Variants in THSD7B observed in about 807,000 individuals in gnomAD.
THSD7B encodes thrombospondin type-1 domain-containing protein 7B.
Under a neutral mutation model 213.6 loss-of-function variants are expected in THSD7B, and 138 were observed. The observed-to-expected ratio is 0.65, with a 90% confidence interval of 0.56 to 0.74. The LOEUF is 0.74. Among genes scored for constraint, THSD7B ranks in the 30% least tolerant of loss-of-function variants. THSD7B has a pLI of 0.00. For synonymous variants in THSD7B, 742 were observed against 687.0 expected (o/e 1.08, Z -1.25); for missense variants, 1,931 against 1,991.5 (o/e 0.97, Z 0.58).
At chr2:137,271,270 CTTCT>C (rs1682726123) in intron 10 of THSD7B, among the ~76,000 whole-genome samples, 2 of 151,068 alleles carry the variant, frequency 1.3e-5, no homozygotes, top group South Asian at 2.1e-4. Flanking sequence ...ACATACCTTC[CTTCT>C]GAGTGTAGTT....
intron 3 of THSD7B, among the ~76,000 whole-genome samples, chr2:137,076,335 G>C (rs765757812): frequency 2.6e-5 from 4 of 152,212 alleles, no homozygotes; most frequent in Non-Finnish European, 5.9e-5. Flanking sequence ...AGTTTGGTCT[G>C]GGACTGCTGT....
At chr2:136,979,812 A>T (rs372167178) in intron 2 of THSD7B, among the ~76,000 whole-genome samples, 10 of 152,124 alleles carry the variant, frequency 6.6e-5, no homozygotes, top group Admixed American at 5.2e-4. Flanking sequence ...TGCCTTCCTG[A>T]AGAGGTGTTG....
chr2:137,489,921 TTG>T (rs920049394), intron 15 of THSD7B, among the ~76,000 whole-genome samples: 5 of 152,124 alleles, frequency 3.3e-5, no homozygotes, highest in Non-Finnish European at 5.9e-5. Context: ...TCTGTTTTTT[TTG>T]TGTGTGTGTG....
intron 1 of THSD7B, among the ~76,000 whole-genome samples, chr2:136,818,034 A>G (rs1245116091): frequency 1.0e-4 from 15 of 146,590 alleles, no homozygotes; most frequent in African/African-American, 3.7e-4. Context: ...TGACCCAGCC[A>G]TCCCATTACT....
At chr2:137,403,965 G>A (rs1004218567) in intron 12 of THSD7B, among the ~76,000 whole-genome samples, 2 of 152,134 alleles carry the variant, frequency 1.3e-5, no homozygotes, top group African/African-American at 4.8e-5. Flanking sequence ...TAGTGCCAAG[G>A]TTGAGAAATG....
At chr2:137,569,162 A>G (rs1201418218) in intron 16 of THSD7B, among the ~76,000 whole-genome samples, 1 of 152,170 alleles carries the variant, frequency 6.6e-6, no homozygotes, top group Non-Finnish European at 1.5e-5. Context: ...CCCAAAGAAT[A>G]TAAGTGTCCC....
chr2:137,066,071 A>AATACATTTTT (rs1687371493), intron 3 of THSD7B, among the ~76,000 whole-genome samples: 1 of 151,670 alleles, frequency 6.6e-6, no homozygotes, highest in African/African-American at 2.4e-5. Flanking sequence ...AGCTTCTTTT[A>AATACATTTTT]ATACATTTTT....
intron 2 of THSD7B, among the ~76,000 whole-genome samples, chr2:136,890,262 C>G (rs758962255): frequency 1.4e-5 from 2 of 146,706 alleles, no homozygotes; most frequent in Non-Finnish European, 3.0e-5. Context: ...TAGGATATTT[C>G]GATTGGTGTA....
intron 11 of THSD7B, among the ~76,000 whole-genome samples, chr2:137,273,065 C>G (rs985094559): frequency 2.9e-5 from 4 of 138,952 alleles, no homozygotes; most frequent in African/African-American, 1.1e-4. Flanking sequence ...CACACACACA[C>G]ACACAGGTGG....
At chr2:136,995,755 C>T (rs141443444) in intron 2 of THSD7B, among the ~76,000 whole-genome samples, 54 of 152,244 alleles carry the variant, frequency 3.5e-4, no homozygotes, top group African/African-American at 1.2e-3. Flanking sequence ...TGGTTGTTAC[C>T]TGCCTTTGTC....
chr2:137,300,452 G>T (rs1022919639), intron 12 of THSD7B, among the ~76,000 whole-genome samples: 1 of 152,034 alleles, frequency 6.6e-6, no homozygotes, highest in Non-Finnish European at 1.5e-5. Context: ...GATGCAACTT[G>T]GTCCAGTGAT....
At chr2:136,981,287 T>TA (rs1685572595) in intron 2 of THSD7B, among the ~76,000 whole-genome samples, 1 of 152,184 alleles carries the variant, frequency 6.6e-6, no homozygotes, top group Non-Finnish European at 1.5e-5. Flanking sequence ...CCTCTAGTTT[T>TA]ATCCACCCAG....
At chr2:137,548,968 A>G (rs1680790963) in intron 15 of THSD7B, among the ~76,000 whole-genome samples, 1 of 152,040 alleles carries the variant, frequency 6.6e-6, no homozygotes, top group South Asian at 2.1e-4. Context: ...TGCATCCTAG[A>G]GAAAAGGAAT....
At chr2:137,651,901 T>C (rs531510435) in intron 21 of THSD7B, among the ~76,000 whole-genome samples, 1 of 152,198 alleles carries the variant, frequency 6.6e-6, no homozygotes, top group East Asian at 1.9e-4. Flanking sequence ...AGCATTCCCT[T>C]GTGATCAGAA....
At chr2:136,932,871 A>C (rs960917961) in intron 2 of THSD7B, among the ~76,000 whole-genome samples, 4 of 152,136 alleles carry the variant, frequency 2.6e-5, no homozygotes, top group Admixed American at 2.0e-4. Flanking sequence ...GGAAGGATGA[A>C]AGGGGCTCAA....
chr2:137,070,612 G>A (rs934196887), intron 3 of THSD7B, among the ~76,000 whole-genome samples: 1 of 151,400 alleles, frequency 6.6e-6, no homozygotes, highest in African/African-American at 2.4e-5. Context: ...TGCACAACGT[G>A]CAGGTTTGCT....
chr2:136,940,697 A>G (rs1573722797), intron 2 of THSD7B, among the ~76,000 whole-genome samples: 1 of 147,196 alleles, frequency 6.8e-6, no homozygotes, highest in East Asian at 2.0e-4. Context: ...TGGCTGAGAC[A>G]TACGTGTGTG....
chr2:137,117,027 C>T (rs866969783), intron 5 of THSD7B, among the ~76,000 whole-genome samples: 2 of 152,160 alleles, frequency 1.3e-5, no homozygotes, highest in South Asian at 2.1e-4. Context: ...GATGTAAATA[C>T]ATAGATGTGT....
intron 12 of THSD7B, among the ~76,000 whole-genome samples, chr2:137,345,646 G>A (rs572585349): frequency 6.6e-6 from 1 of 151,652 alleles, no homozygotes; most frequent in African/African-American, 2.4e-5. Context: ...AATAATGACT[G>A]TGACCAAGAA....
Sources: allele counts gnomAD v4.1 joint callset (sites outside exome capture counted in the v4.1 genomes callset), GRCh38; gene constraint gnomAD v4.1.1; transcripts MANE v1.5; gene names NCBI Gene and HGNC (gene_info 2026-07-23, HGNC 2026-07-21).